DCX: variants seen among roughly 807,000 people sequenced by gnomAD.
DCX encodes neuronal migration protein doublecortin.
A neutral mutation model predicts 20.9 loss-of-function variants in DCX; 4 were observed. That is an observed-to-expected ratio of 0.19 (90% CI 0.09 to 0.44). The LOEUF (loss-of-function observed/expected upper bound fraction) is 0.44. DCX is among the 20% of genes least tolerant of loss of function. The pLI, the probability that DCX is intolerant of heterozygous loss-of-function variation, is 0.99. For synonymous variants in DCX, 103 were observed against 111.4 expected, an observed-to-expected ratio of 0.92 and a Z score of 0.47; for missense variants, 133 against 296.9, an observed-to-expected ratio of 0.45 and a Z score of 4.06.
chrX:111,308,308 G>C (rs915361431), intron 6 of DCX, among the ~76,000 whole-genome samples: 2 of 112,129 alleles, frequency 1.8e-5, no homozygotes, highest in African/African-American at 6.5e-5. Context: ...GGAGCTTATA[G>C]TCCAAAGGAA....
chrX:111,304,887 G>C (rs2095041593), intron 6 of DCX, among the ~76,000 whole-genome samples: 1 of 111,453 alleles, frequency 9.0e-6, no homozygotes, highest in South Asian at 3.8e-4. Flanking sequence ...GAAAAGAAGC[G>C]AGATGGCCCT....
Position 111,404,143 on chromosome X carries a change from A to G in DCX, c.365-2813T>C, listed in dbSNP as rs190829051. Among the ~76,000 whole-genome samples, 1,100 of 111,312 alleles carry G rather than the reference A, an allele frequency of 9.9e-3. 10 individuals carry two copies. The highest frequency in any genetic ancestry group is 0.016 in the Non-Finnish European group (853 of 53,017). The stretch of plus-strand genomic sequence containing the variant: ...AGTAAGCACTTGATAAATTTCTGTT[A>G]TTATTAAGCCCCTAATCTTACGGAA... On this transcript the variant is annotated intron_variant, in intron 2 of 6. Transcript: ENST00000636035.
At chrX:111,340,288 C>T (rs754153246) in intron 3 of DCX, among the ~76,000 whole-genome samples, 8 of 112,014 alleles carry the variant, frequency 7.1e-5, no homozygotes, top group African/African-American at 2.6e-4. Context: ...AGGCCTGACC[C>T]TGACTCATCC....
intron 3 of DCX, among the ~76,000 whole-genome samples, chrX:111,399,572 T>C (rs780290089): frequency 8.9e-5 from 10 of 112,043 alleles, no homozygotes; most frequent in Non-Finnish European, 1.3e-4. Flanking sequence ...GTAGAGGATA[T>C]CCATGCCTTA....
At chrX:111,396,601 CA>C (rs1337178148) in intron 3 of DCX, among the ~76,000 whole-genome samples, 6 of 112,097 alleles carry the variant, frequency 5.4e-5, no homozygotes, top group South Asian at 3.7e-4. Context: ...TCATGTGAAC[CA>C]GAAATTTGGG....
chrX:111,397,941 C>A (rs2147258365), intron 3 of DCX, among the ~76,000 whole-genome samples: 1 of 110,939 alleles, frequency 9.0e-6, no homozygotes, highest in South Asian at 3.9e-4. Context: ...TCAGAGCATT[C>A]AATGTGCCAG....
intron 3 of DCX, among the ~76,000 whole-genome samples, chrX:111,382,591 AG>A (rs1279890206): frequency 8.9e-6 from 1 of 112,095 alleles, no homozygotes; most frequent in Non-Finnish European, 1.9e-5. Context: ...TGTTCACACA[AG>A]TGGCTCAAGC....
At chrX:111,314,271 T>C (rs2095064425) in intron 5 of DCX, among the ~76,000 whole-genome samples, 1 of 112,112 alleles carries the variant, frequency 8.9e-6, no homozygotes, top group South Asian at 3.7e-4. Flanking sequence ...CCAGTAGCTA[T>C]GGAGCTCTAC....
intron 5 of DCX, among the ~76,000 whole-genome samples, chrX:111,318,651 T>C (rs1461539495): frequency 9.0e-6 from 1 of 111,109 alleles, no homozygotes; most frequent in African/African-American, 3.3e-5. Flanking sequence ...TGCGGTACCA[T>C]GGATGAAGCT....
chrX:111,303,982 C>G (rs955149163), intron 6 of DCX, among the ~76,000 whole-genome samples: 2 of 111,966 alleles, frequency 1.8e-5, no homozygotes, highest in Non-Finnish European at 3.8e-5. Flanking sequence ...TGGGGTGGGT[C>G]ATCCATGCAA....
At chrX:111,316,200 C>T (rs1304794076) in intron 5 of DCX, among the ~76,000 whole-genome samples, 1 of 108,707 alleles carries the variant, frequency 9.2e-6, no homozygotes, top group Non-Finnish European at 1.9e-5. Context: ...CAGCACAAGA[C>T]AAGGATGTCC....
At chrX:111,353,859 C>T (rs1321474307) in intron 3 of DCX, among the ~76,000 whole-genome samples, 1 of 111,653 alleles carries the variant, frequency 9.0e-6, no homozygotes, top group Non-Finnish European at 1.9e-5. Flanking sequence ...CAATTTAATT[C>T]TCTTCTTGCA....
intron 3 of DCX, among the ~76,000 whole-genome samples, chrX:111,362,898 A>C (rs769648714): frequency 8.9e-6 from 1 of 111,831 alleles, no homozygotes; most frequent in African/African-American, 3.3e-5. Context: ...ACCTGTGCTA[A>C]GTGCTGGGAA....
intron 2 of DCX, 93 bp downstream of exon 2, chrX:111,409,942 A>C (rs1928556627): frequency 2.9e-5 from 33 of 1,138,016 alleles, no homozygotes; most frequent in Non-Finnish European, 4.0e-5. Context: ...TGAAAAATAC[A>C]TTGCCTAATT....
intron 6 of DCX, among the ~76,000 whole-genome samples, chrX:111,306,613 T>C (rs1255506971): frequency 9.0e-6 from 1 of 111,297 alleles, no homozygotes; most frequent in Non-Finnish European, 1.9e-5. Context: ...GAGAGCAGAA[T>C]ACATATTCTT....
chrX:111,386,679 T>C (rs1822914151), intron 3 of DCX, among the ~76,000 whole-genome samples: 1 of 111,283 alleles, frequency 9.0e-6, no homozygotes, highest in Non-Finnish European at 1.9e-5. Flanking sequence ...AATATAGACA[T>C]GGATTAAAAC....
At chrX:111,320,948 G>C (rs1275470174) in intron 5 of DCX, among the ~76,000 whole-genome samples, 1 of 109,489 alleles carries the variant, frequency 9.1e-6, no homozygotes, top group East Asian at 2.9e-4. Flanking sequence ...TGGTTTTTTT[G>C]TTTTTGCTAA....
intron 3 of DCX, among the ~76,000 whole-genome samples, chrX:111,361,747 A>G (rs1924229732): frequency 8.9e-6 from 1 of 112,386 alleles, no homozygotes; most frequent in Admixed American, 9.4e-5. Context: ...GCTACAATGC[A>G]CAATGTTAAT....
chrX:111,398,147 T>C (rs746340940), intron 3 of DCX, among the ~76,000 whole-genome samples: 8 of 110,285 alleles, frequency 7.3e-5, no homozygotes, highest in Non-Finnish European at 1.3e-4. Flanking sequence ...AACCACCAGA[T>C]AGAAGCCACC....
Sources: gnomAD v4.1 joint callset for allele counts (sites outside exome capture counted in the v4.1 genomes callset) on GRCh38, gnomAD v4.1.1 for gene constraint, MANE v1.5 for transcripts, NCBI Gene and HGNC (gene_info 2026-07-23, HGNC 2026-07-21) for gene names.